Variants in GRM8 observed in about 807,000 individuals in gnomAD.
GRM8 encodes metabotropic glutamate receptor 8.
A neutral mutation model predicts 87.2 loss-of-function variants in GRM8; 47 were observed. The ratio of observed to expected loss-of-function variants is 0.54; its 90% CI spans 0.43 to 0.69. The LOEUF is 0.69. Among genes scored for constraint, GRM8 ranks in the 30% least tolerant of loss-of-function variants. GRM8 has a pLI of 0.00. For synonymous variants in GRM8, 396 were observed against 404.5 expected (o/e 0.98, Z 0.25); for missense variants, 1,019 against 1,139.2 (o/e 0.89, Z 1.52).
intron 3 of GRM8, among the ~76,000 whole-genome samples, chr7:126,945,800 G>A (rs1199931852): frequency 6.6e-6 from 1 of 152,072 alleles, no homozygotes; most frequent in Non-Finnish European, 1.5e-5. Flanking sequence ...TTTTGTCAAG[G>A]GAAGTTATAT....
chr7:127,010,706 T>C (rs1029441524), intron 3 of GRM8, among the ~76,000 whole-genome samples: 1 of 152,168 alleles, frequency 6.6e-6, no homozygotes, highest in Non-Finnish European at 1.5e-5. Context: ...AGCTCCTTAG[T>C]GAAAAAATTC....
chr7:126,673,561 C>T (rs1397808312), intron 7 of GRM8, among the ~76,000 whole-genome samples: 1 of 152,160 alleles, frequency 6.6e-6, no homozygotes, highest in Non-Finnish European at 1.5e-5. Context: ...CCCATCCTCC[C>T]ACTGTCTTTA....
intron 2 of GRM8, among the ~76,000 whole-genome samples, chr7:127,240,736 G>C (rs1284616965): frequency 6.6e-6 from 1 of 152,128 alleles, no homozygotes; most frequent in African/African-American, 2.4e-5. Context: ...AAATCAGAGA[G>C]AAGAGTTACA....
intron 2 of GRM8, among the ~76,000 whole-genome samples, chr7:127,153,868 A>C (rs1191841296): frequency 6.6e-6 from 1 of 152,154 alleles, no homozygotes; most frequent in East Asian, 1.9e-4. Context: ...TTGATTTGAT[A>C]GTGAAGGCCA....
At chr7:127,004,641 A>G (rs577487388) in intron 3 of GRM8, among the ~76,000 whole-genome samples, 37 of 151,602 alleles carry the variant, frequency 2.4e-4, no homozygotes, top group South Asian at 1.2e-3. Flanking sequence ...GTTTTTCCCC[A>G]ACTTTAAGGA....
chr7:126,650,601 G>A (rs954401180), intron 7 of GRM8, among the ~76,000 whole-genome samples: 16 of 152,022 alleles, frequency 1.1e-4, no homozygotes, highest in African/African-American at 3.4e-4. Flanking sequence ...GGATGGTCAG[G>A]GACTTGGAAG....
At position 127,106,633 on chromosome 7, in the gene GRM8, G is replaced by A. The variant is rs201540505; in HGVS notation, c.590C>T (p.Pro197Leu). 27 of 1,613,790 alleles carry A rather than the reference G, an allele frequency of 1.7e-5. No homozygotes were observed. The highest frequency in any genetic ancestry group is 2.2e-5 in the East Asian group (1 of 44,894). The change falls in exon 3 of 11, where the codon CCG (proline) becomes CTG (leucine). Residue 197 changes from proline (P) to leucine (L), a missense_variant. Coordinates refer to ENST00000339582, the MANE Select transcript of GRM8 (RefSeq NM_000845.3). Reference sequence around the variant, plus strand: ...GGCTTGGGCTTGGTAGGAGTCAGGCGGAACCACTCGAGAGAAAAAGTCATA... The same window carrying A: ...GGCTTGGGCTTGGTAGGAGTCAGGCAGAACCACTCGAGAGAAAAAGTCATA... ...TRYDFFSRVV[P>L]PDSYQAQAMV...
chr7:126,929,869 G>GTACAGAGCAGAATTCTGTACTCATACAGA (rs1805579441), intron 3 of GRM8, among the ~76,000 whole-genome samples: 1 of 11,334 alleles, frequency 8.8e-5, no homozygotes, highest in South Asian at 3.3e-3. Flanking sequence ...ACTCATACAA[G>GTACAGAGCAGAATTCTGTACTCATACAGA]ATTTAAAATA....
intron 2 of GRM8, among the ~76,000 whole-genome samples, chr7:127,228,147 A>G (rs773465764): frequency 6.6e-6 from 1 of 152,216 alleles, no homozygotes; most frequent in Non-Finnish European, 1.5e-5. Context: ...CAATGGTTGA[A>G]AGCATGGACT....
intron 3 of GRM8, among the ~76,000 whole-genome samples, chr7:127,036,719 C>A (rs144782812): frequency 7.9e-5 from 12 of 152,138 alleles, no homozygotes; most frequent in African/African-American, 1.4e-4. Context: ...CTGCTTGTTA[C>A]GCCGCACAGA....
At chr7:127,054,097 T>C (rs1337200259) in intron 3 of GRM8, among the ~76,000 whole-genome samples, 1 of 152,156 alleles carries the variant, frequency 6.6e-6, no homozygotes, top group African/African-American at 2.4e-5. Flanking sequence ...GATAGACATA[T>C]GCTTTGTAAA....
intron 9 of GRM8, among the ~76,000 whole-genome samples, chr7:126,459,416 C>A (rs1201383740): frequency 2.6e-5 from 4 of 151,262 alleles, no homozygotes; most frequent in Admixed American, 2.6e-4. Context: ...AAGTATTCAC[C>A]CCCAGCTCCT....
chr7:126,616,828 AG>A (rs1384915806), intron 7 of GRM8, among the ~76,000 whole-genome samples: 1 of 152,232 alleles, frequency 6.6e-6, no homozygotes. Flanking sequence ...TAAACCAAGA[AG>A]AACTTGAATC....
intron 3 of GRM8, among the ~76,000 whole-genome samples, chr7:126,952,087 G>T (rs1368458433): frequency 6.6e-6 from 1 of 151,372 alleles, no homozygotes; most frequent in African/African-American, 2.4e-5. Context: ...AGAGCAGGAG[G>T]AAAAAAATAA....
chr7:126,505,662 G>A (rs925457550), intron 9 of GRM8, among the ~76,000 whole-genome samples: 2 of 151,978 alleles, frequency 1.3e-5, no homozygotes, highest in Admixed American at 1.3e-4. Flanking sequence ...ATAATTTTTA[G>A]AAGTTTTAAT....
chr7:127,111,976 C>T (rs185934248), intron 2 of GRM8, among the ~76,000 whole-genome samples: 20 of 151,580 alleles, frequency 1.3e-4, no homozygotes, highest in African/African-American at 4.6e-4. Flanking sequence ...TGCAGGGAGC[C>T]GAAATCACAC....
intron 6 of GRM8, among the ~76,000 whole-genome samples, chr7:126,778,090 G>C (rs1819657645): frequency 6.6e-6 from 1 of 152,206 alleles, no homozygotes; most frequent in African/African-American, 2.4e-5. Flanking sequence ...GACCTGTAGA[G>C]ACAGATGTAT....
chr7:126,996,011 C>T (rs2131989407), intron 3 of GRM8, among the ~76,000 whole-genome samples: 1 of 152,134 alleles, frequency 6.6e-6, no homozygotes, highest in East Asian at 1.9e-4. Flanking sequence ...GCAGACTTTT[C>T]AGTAGAAACC....
chr7:127,071,184 T>C (rs927873595), intron 3 of GRM8, among the ~76,000 whole-genome samples: 4 of 152,192 alleles, frequency 2.6e-5, no homozygotes, highest in Admixed American at 2.6e-4. Context: ...AAATGTCCTT[T>C]AATGTTCTCT....
Sources: allele counts gnomAD v4.1 joint callset (sites outside exome capture counted in the v4.1 genomes callset), GRCh38; gene constraint gnomAD v4.1.1; transcripts MANE v1.5; gene names NCBI Gene and HGNC (gene_info 2026-07-23, HGNC 2026-07-21).